OPRM1: variants seen among roughly 807,000 people sequenced by gnomAD.
OPRM1 encodes opioid receptor mu 1.
A neutral mutation model predicts 31.8 loss-of-function variants in OPRM1; 27 were observed. That is an observed-to-expected ratio of 0.85 (90% CI 0.63 to 1.17). The LOEUF (loss-of-function observed/expected upper bound fraction) is 1.17, where lower values mean the gene tolerates loss of function less well. OPRM1 is among the 50% of genes most tolerant of loss of function. OPRM1 has a pLI of 0.00. For missense variants in OPRM1, 536 were observed against 511.1 expected (o/e 1.05, Z -0.47); for synonymous variants, 196 against 189.9 (o/e 1.03, Z -0.26).
At chr6:154,170,823 C>T (rs993232964) in intron 3 of OPRM1, among the ~76,000 whole-genome samples, 1 of 152,124 alleles carries the variant, frequency 6.6e-6, no homozygotes, top group African/African-American at 2.4e-5. Context: ...TAAATTGGAA[C>T]CCTCATACAT....
chr6:154,200,897 T>G (rs1007636626), intron 3 of OPRM1, among the ~76,000 whole-genome samples: 1 of 152,200 alleles, frequency 6.6e-6, no homozygotes, highest in African/African-American at 2.4e-5. Context: ...TCTGTGTCCC[T>G]ATCCAAATCT....
At chr6:154,229,788 T>C (rs1779581191) in intron 3 of OPRM1, among the ~76,000 whole-genome samples, 1 of 152,234 alleles carries the variant, frequency 6.6e-6, no homozygotes, top group Admixed American at 6.5e-5. Context: ...TATAACAGCT[T>C]TATTCATAGT....
intron 3 of OPRM1, among the ~76,000 whole-genome samples, chr6:154,242,255 C>G (rs926452687): frequency 6.6e-6 from 1 of 152,082 alleles, no homozygotes; most frequent in African/African-American, 2.4e-5. Context: ...CTAATCGGAA[C>G]CTTGGGGCCT....
chr6:154,113,730 A>G (rs1796576819), intron 3 of OPRM1, among the ~76,000 whole-genome samples: 1 of 152,236 alleles, frequency 6.6e-6, no homozygotes, highest in East Asian at 1.9e-4. Flanking sequence ...CTGATCCCAC[A>G]GCACACGGAT....
chr6:154,246,844 A>G, exon 4 of OPRM1: 1 of 1,421,716 alleles, frequency 7.0e-7, no homozygotes, highest in South Asian at 1.7e-5. Flanking sequence ...TGACAGAGTG[A>G]AAGGCAACTT....
intron 3 of OPRM1, chr6:154,160,074 G>T: frequency 6.7e-7 from 1 of 1,487,350 alleles, no homozygotes; most frequent in Non-Finnish European, 9.3e-7. Context: ...AAGGGGGTAT[G>T]TTGAGAGTGT....
intron 3 of OPRM1, among the ~76,000 whole-genome samples, chr6:154,191,849 T>G (rs1191516745): frequency 1.3e-5 from 2 of 152,236 alleles, no homozygotes; most frequent in Non-Finnish European, 2.9e-5. Context: ...AGGGGGTATA[T>G]GTAAACTCTG....
At chr6:154,203,224 C>T (rs150809279) in intron 3 of OPRM1, among the ~76,000 whole-genome samples, 1 of 152,172 alleles carries the variant, frequency 6.6e-6, no homozygotes, top group Non-Finnish European at 1.5e-5. Flanking sequence ...CTCTCCGCCC[C>T]ACCTCTACTG....
Position 154,129,396 on chromosome 6 carries a change from C to T in OPRM1, c.*10675C>T, listed in dbSNP as rs1377439191. On this transcript the variant is annotated 3_prime_UTR_variant, in exon 4 of 4. Transcript: ENST00000330432. ...GGCCAGGCGGGCCCAGGCCTGGTTTCGGGCCTGGCGCTGAGCTGCCTGTAT... is the reference window on the plus strand; with the variant it reads ...GGCCAGGCGGGCCCAGGCCTGGTTTTGGGCCTGGCGCTGAGCTGCCTGTAT... Among the ~76,000 whole-genome samples the T allele has an allele frequency of 1.3e-5, 2 of 152,194 alleles. No individual in the cohort carries two copies. Among genetic ancestry groups the T allele is most frequent in the African/African-American group, 2.4e-5 (1 of 41,446 alleles).
At chr6:154,169,710 C>T (rs1799722107) in intron 3 of OPRM1, among the ~76,000 whole-genome samples, 1 of 152,160 alleles carries the variant, frequency 6.6e-6, no homozygotes, top group African/African-American at 2.4e-5. Context: ...CACATGATTG[C>T]AGTGAAGCCA....
rs1797287366 is a variant in OPRM1 at position 154,121,344 on chromosome 6, A to G, written c.*2623A>G. Among the ~76,000 whole-genome samples the G allele has an allele frequency of 6.6e-6, 1 of 152,088 alleles. No homozygotes were observed. The highest frequency in any genetic ancestry group is 1.5e-5 in the Non-Finnish European group (1 of 68,012). On this transcript the variant is annotated 3_prime_UTR_variant, in exon 4 of 4. Coordinates refer to ENST00000330432, the MANE Select transcript of OPRM1 (RefSeq NM_000914.5). ...CTCCTTCATCCCTCTTTCCTTGCCA[A>G]TCATTAGAAAGGAAAGAAGAGGAAA...
At chr6:154,148,283 A>G (rs906815935) in intron 3 of OPRM1, among the ~76,000 whole-genome samples, 14 of 152,250 alleles carry the variant, frequency 9.2e-5, no homozygotes, top group African/African-American at 3.4e-4. Context: ...AGGATGAAAC[A>G]TTGCTTTTTC....
intron 3 of OPRM1, among the ~76,000 whole-genome samples, chr6:154,198,403 A>C (rs969197929): frequency 1.3e-5 from 2 of 152,018 alleles, no homozygotes; most frequent in African/African-American, 4.8e-5. Context: ...CTACTCATTC[A>C]CCTCTAGAAA....
In OPRM1 at chr6:154,091,094, G is replaced by C. The variant is rs1245821772; in HGVS notation, c.786G>C (p.Lys262Asn). The change falls in exon 3 of 4, where the codon AAG becomes AAC. Residue 262 changes from lysine to asparagine, a missense_variant. Transcript: ENST00000330432. ...ATGGACTGATGATCTTGCGCCTCAA[G>C]AGTGTCCGCATGCTCTCTGGCTCCA... is the stretch of plus-strand genomic sequence containing the variant. ...VCYGLMILRLKSVRMLSGSKE... is the reference protein window; with the variant it reads ...VCYGLMILRLNSVRMLSGSKE... The C allele has an allele frequency of 6.2e-7, 1 of 1,614,052 alleles. No homozygotes were observed. Among genetic ancestry groups the C allele is most frequent in the East Asian group, 2.2e-5 (1 of 44,898 alleles).
At chr6:154,204,798 T>A (rs535050794) in intron 3 of OPRM1, among the ~76,000 whole-genome samples, 1 of 152,328 alleles carries the variant, frequency 6.6e-6, no homozygotes, top group East Asian at 1.9e-4. Context: ...AATATTCCTC[T>A]GCAGAAAACC....
chr6:154,162,697 T>A lies in OPRM1; in HGVS notation c.1164+71225T>A, dbSNP rs572690105. Among the ~76,000 whole-genome samples, 5 of 123,612 alleles carry A rather than the reference T, an allele frequency of 4.0e-5. No individual in the cohort carries two copies. The East Asian group carries it at 1.1e-3, about 27-fold the overall frequency. 81.1% of individuals were successfully genotyped at this position (123,612 alleles called of 152,430 possible). On this transcript the variant is annotated intron_variant, in intron 3 of 3. Coordinates refer to the OPRM1 transcript ENST00000337049. ...AAGCCCCAGCTTGTATCCTGTTCTC[T>A]GCTCTATCTATGTTCATGCTGTTGG...
At chr6:154,152,598 C>T (rs1798568304) in intron 3 of OPRM1, among the ~76,000 whole-genome samples, 2 of 151,294 alleles carry the variant, frequency 1.3e-5, no homozygotes, top group Non-Finnish European at 1.5e-5. Flanking sequence ...TTATCCTTTG[C>T]TTGATGATAC....
rs563059406 is a variant in OPRM1, at chr6:154,068,656, G to A, written c.291-21170G>A. On this transcript the variant is annotated intron_variant, in intron 1 of 3. Coordinates refer to ENST00000330432, the MANE Select transcript of OPRM1 (RefSeq NM_000914.5). Reference sequence around the variant, plus strand: ...TATCTTGGTTATTGTGAATAGTGCTGCAATAAACATGGGAACGTAGCTATC... The same window carrying A: ...TATCTTGGTTATTGTGAATAGTGCTACAATAAACATGGGAACGTAGCTATC... Among the ~76,000 whole-genome samples, 12 of 152,222 alleles carry A rather than the reference G, an allele frequency of 7.9e-5. No individual in the cohort carries two copies. The East Asian group carries it at 2.1e-3, about 27-fold the overall frequency.
At chr6:154,082,399 A>G (rs1371473493) in intron 1 of OPRM1, among the ~76,000 whole-genome samples, 1 of 152,190 alleles carries the variant, frequency 6.6e-6, no homozygotes. Flanking sequence ...ATTAAGCCTC[A>G]TATTTGTTGT....
Sources: allele counts gnomAD v4.1 joint callset (sites outside exome capture counted in the v4.1 genomes callset), GRCh38; gene constraint gnomAD v4.1.1; transcripts MANE v1.5; gene names NCBI Gene and HGNC (gene_info 2026-07-23, HGNC 2026-07-21).